ARHGAP22: variants seen among roughly 807,000 people sequenced by gnomAD.
The protein encoded by ARHGAP22 is rho GTPase-activating protein 22.
A neutral mutation model predicts 59.1 loss-of-function variants in ARHGAP22; 48 were observed. That is an observed-to-expected ratio of 0.81 (90% CI 0.64 to 1.03). The LOEUF is 1.03. Among genes scored for constraint, ARHGAP22 ranks in the 50% least tolerant of loss-of-function variants. The pLI is 0.00. For missense variants in ARHGAP22, 1,015 were observed against 958.7 expected (o/e 1.06, Z -0.78); for synonymous variants, 445 against 416.4 (o/e 1.07, Z -0.84).
intron 1 of ARHGAP22, among the ~76,000 whole-genome samples, chr10:48,593,719 C>T (rs193155969): frequency 1.3e-5 from 2 of 152,320 alleles, no homozygotes; most frequent in South Asian, 2.1e-4. Context: ...ACTTATGAAT[C>T]GTTTATTTCT....
chr10:48,521,751 C>T (rs1189419715), intron 3 of ARHGAP22, among the ~76,000 whole-genome samples: 1 of 152,182 alleles, frequency 6.6e-6, no homozygotes, highest in Non-Finnish European at 1.5e-5. Context: ...AGTTTAATGT[C>T]CAAAGCAGCA....
intron 3 of ARHGAP22, among the ~76,000 whole-genome samples, chr10:48,480,002 T>C (rs749538245): frequency 1.3e-5 from 2 of 152,218 alleles, no homozygotes; most frequent in African/African-American, 4.8e-5. Context: ...CATGCCAAAA[T>C]AGAAATAATT....
At chr10:48,589,805 G>A (rs955046806) in intron 1 of ARHGAP22, among the ~76,000 whole-genome samples, 6 of 152,040 alleles carry the variant, frequency 3.9e-5, no homozygotes, top group Non-Finnish European at 7.4e-5. Context: ...AAATAGATAT[G>A]CAGCTACTAA....
At chr10:48,645,977 C>T (rs534186408) in intron 1 of ARHGAP22, among the ~76,000 whole-genome samples, 268 of 152,188 alleles carry the variant, frequency 1.8e-3, no homozygotes, top group Middle Eastern at 6.8e-3. Context: ...TAAAAATCTG[C>T]TAGAACTAAT....
At chr10:48,571,215 C>T (rs1239269051) in intron 2 of ARHGAP22, among the ~76,000 whole-genome samples, 2 of 152,108 alleles carry the variant, frequency 1.3e-5, no homozygotes, top group Admixed American at 6.5e-5. Flanking sequence ...GACTGGAGCC[C>T]GCTACCACCC....
At chr10:48,651,469 C>T (rs79650476) in intron 1 of ARHGAP22, among the ~76,000 whole-genome samples, 18 of 152,026 alleles carry the variant, frequency 1.2e-4, no homozygotes, top group Non-Finnish European at 1.9e-4. Flanking sequence ...CACAACAAGC[C>T]GAATCCTCAC....
intron 3 of ARHGAP22, among the ~76,000 whole-genome samples, chr10:48,541,550 C>T (rs1454914914): frequency 1.3e-5 from 2 of 152,222 alleles, no homozygotes; most frequent in African/African-American, 4.8e-5. Context: ...ATCCATGCAG[C>T]TAGCCCGCTG....
chr10:48,505,798 C>A lies in ARHGAP22; in HGVS notation c.323-26034G>T, dbSNP rs553458009. Reference sequence around the variant, plus strand: ...AGGCATGCTGGAGATGTAGCCAAGGCCTGTAAGGAGCCTGTAAGGGCTGGT... The same window carrying A: ...AGGCATGCTGGAGATGTAGCCAAGGACTGTAAGGAGCCTGTAAGGGCTGGT... On this transcript the variant is annotated intron_variant, in intron 3 of 9. Transcript: ENST00000249601. Among the ~76,000 whole-genome samples, 6 of 152,258 alleles carry A rather than the reference C, an allele frequency of 3.9e-5. No homozygotes were observed. In the South Asian group the frequency reaches 1.2e-3, roughly 32 times the overall value.
At chr10:48,440,471 G>A in the ARHGAP22 span, among the ~76,000 whole-genome samples, 37 of 152,192 alleles carry the variant, frequency 2.4e-4, no homozygotes, top group African/African-American at 8.2e-4. Flanking sequence ...GGATTGATTA[G>A]AGGAAATGAG....
chr10:48,528,715 T>A (rs1041650886), intron 3 of ARHGAP22, among the ~76,000 whole-genome samples: 1 of 152,154 alleles, frequency 6.6e-6, no homozygotes, highest in Admixed American at 6.5e-5. Flanking sequence ...TCTTTATGAA[T>A]GGCCTGGTGC....
At chr10:48,651,916 C>A (rs1005680417) in intron 1 of ARHGAP22, among the ~76,000 whole-genome samples, 1 of 152,198 alleles carries the variant, frequency 6.6e-6, no homozygotes, top group Non-Finnish European at 1.5e-5. Flanking sequence ...CTGTGAAGGA[C>A]TTGCCTACTG....
chr10:48,458,325 A>C (rs1174084613), intron 5 of ARHGAP22, among the ~76,000 whole-genome samples: 1 of 151,930 alleles, frequency 6.6e-6, no homozygotes, highest in Non-Finnish European at 1.5e-5. Context: ...GTCTGCATGG[A>C]ACCCACCCTA....
intron 8 of ARHGAP22, chr10:48,451,637 C>T (rs1408132659): frequency 7.4e-6 from 5 of 676,220 alleles, no homozygotes; most frequent in Non-Finnish European, 1.1e-5. Flanking sequence ...TACAATTGCA[C>T]ACACAATGCA....
At chr10:48,585,250 T>A (rs896683470) in intron 1 of ARHGAP22, among the ~76,000 whole-genome samples, 7 of 152,206 alleles carry the variant, frequency 4.6e-5, no homozygotes, top group African/African-American at 1.7e-4. Context: ...TGTAGCACAT[T>A]TGCTTGATAC....
At chr10:48,501,821 A>G (rs1014749351) in intron 3 of ARHGAP22, among the ~76,000 whole-genome samples, 5 of 151,958 alleles carry the variant, frequency 3.3e-5, no homozygotes, top group African/African-American at 1.2e-4. Context: ...TAAATGGATG[A>G]TATATACTCA....
intron 3 of ARHGAP22, among the ~76,000 whole-genome samples, chr10:48,533,181 G>T (rs11101375): frequency 0.38 from 53,613 of 142,254 alleles, 11,727 homozygotes; most frequent in Middle Eastern, 0.54. Context: ...TTGTTCTGTT[G>T]TTTTTTTTTT....
At chr10:48,465,691 C>A (rs1307415546) in intron 4 of ARHGAP22, among the ~76,000 whole-genome samples, 2 of 152,224 alleles carry the variant, frequency 1.3e-5, no homozygotes, top group Non-Finnish European at 2.9e-5. Context: ...CAGTCATATG[C>A]CTGCTTTTCA....
chr10:48,527,463 AGATGGATG>A (rs1227631702), intron 3 of ARHGAP22, among the ~76,000 whole-genome samples: 3 of 131,012 alleles, frequency 2.3e-5, no homozygotes, highest in African/African-American at 7.9e-5. Context: ...ATAGGTGAAT[AGATGGATG>A]GATGGGTGGA....
At chr10:48,448,610 G>A (rs1438869955) in intron 9 of ARHGAP22, among the ~76,000 whole-genome samples, 4 of 119,050 alleles carry the variant, frequency 3.4e-5, no homozygotes, top group Non-Finnish European at 5.0e-5. Context: ...CCCCCCACCC[G>A]ATGGCCCATA....
Sources: gnomAD v4.1 joint callset for allele counts (sites outside exome capture counted in the v4.1 genomes callset) on GRCh38, gnomAD v4.1.1 for gene constraint, MANE v1.5 for transcripts, NCBI Gene and HGNC (gene_info 2026-07-23, HGNC 2026-07-21) for gene names.